Variants in OXTR observed in about 807,000 individuals in gnomAD.
OXTR encodes oxytocin receptor.
OXTR carries 19 observed loss-of-function variants against 23.9 expected under a neutral mutation model. The observed-to-expected ratio is 0.80, with a 90% confidence interval of 0.56 to 1.17. OXTR has a LOEUF of 1.17. OXTR is among the 50% of genes most tolerant of loss of function. The pLI is 0.00. For synonymous variants in OXTR, 278 were observed against 250.5 expected, an observed-to-expected ratio of 1.11 and a Z score of -1.04; for missense variants, 500 against 550.7, an observed-to-expected ratio of 0.91 and a Z score of 0.92.
At chr3:8,760,658 G>T (rs1708464515) in intron 3 of OXTR, among the ~76,000 whole-genome samples, 1 of 152,224 alleles carries the variant, frequency 6.6e-6, no homozygotes, top group Admixed American at 6.5e-5. Flanking sequence ...TGAGGTAAAA[G>T]GCATCCCCTG....
chr3:8,741,847 G>A, the OXTR span, among the ~76,000 whole-genome samples: 1 of 152,070 alleles, frequency 6.6e-6, no homozygotes. Context: ...CAGAGACTGC[G>A]GGGACTGCGC....
At position 8,752,076 on chromosome 3, in the gene OXTR, G is replaced by T. The variant is rs1708273143; in HGVS notation, c.*901C>A. ...TTCAGTCTTGCACTTGTTTTGTTAAGTTGATTCCTATTTTATTCTTTCTGA... is the reference window on the plus strand; with the variant it reads ...TTCAGTCTTGCACTTGTTTTGTTAATTTGATTCCTATTTTATTCTTTCTGA... On this transcript the variant is annotated 3_prime_UTR_variant, in exon 4 of 4. Transcript: ENST00000316793. 3 of 152,096 alleles carry T rather than the reference G, an allele frequency of 2.0e-5. No individual in the cohort carries two copies. The allele number at this position is 152,096 out of a possible 1,614,324, so 9.4% of individuals were successfully genotyped here. A position where few individuals can be genotyped will look rare whatever the true frequency, so the allele number is the denominator to read the frequency against.
At chr3:8,763,385 G>A (rs767522931) in intron 3 of OXTR, among the ~76,000 whole-genome samples, 2 of 152,148 alleles carry the variant, frequency 1.3e-5, no homozygotes, top group Non-Finnish European at 2.9e-5. Context: ...CACTGGACTG[G>A]GCGTTTTACC....
At chr3:8,761,057 T>C (rs13316193) in intron 3 of OXTR, among the ~76,000 whole-genome samples, 66,829 of 151,752 alleles carry the variant, frequency 0.44, 15,566 homozygotes, top group African/African-American at 0.58. Context: ...ACGGGAATGC[T>C]GTTAAATATC....
chr3:8,744,372 G>A, the OXTR span, among the ~76,000 whole-genome samples: 7 of 146,926 alleles, frequency 4.8e-5, no homozygotes, highest in South Asian at 2.2e-4. Flanking sequence ...CCCGCCTCCC[G>A]GGTTTATGCC....
At chr3:8,745,903 G>A (rs377314109), downstream of OXTR, 144 of 1,571,948 alleles carry the variant, frequency 9.2e-5, no homozygotes, top group African/African-American at 1.8e-3. This position sits in a 1 kb window ranked among gnomAD's most constrained non-coding sequence, Gnocchi z 4.8. Flanking sequence ...AGGGCAGGGG[G>A]TGGTGGGCCA....
At chr3:8,743,732 G>A in the OXTR span, among the ~76,000 whole-genome samples, 1 of 152,140 alleles carries the variant, frequency 6.6e-6, no homozygotes, top group African/African-American at 2.4e-5. Context: ...GAGCTCAGAA[G>A]CTAAAGTCAC....
rs760741282 is a variant in OXTR at position 8,767,414 on chromosome 3, C to A, written c.774G>T (p.Ala258=). 1.9e-6 allele frequency: 3 copies of A among 1,609,632 alleles called. No individual in the cohort carries two copies. The highest frequency in any genetic ancestry group is 1.1e-5 in the South Asian group (1 of 90,510). ...AAGDGGRVAL[A]RVSSVKLISK... ...AGATGAGCTTGACGCTGCTGACACG[C>A]GCCAGGGCCACGCGCCCCCCATCGC... Residue 258 remains alanine (A), a synonymous_variant, in exon 3 of 4, where the codon GCG becomes GCT. Coordinates refer to ENST00000316793, the MANE Select transcript of OXTR (RefSeq NM_000916.4).
the OXTR span, among the ~76,000 whole-genome samples, chr3:8,743,952 G>A: frequency 2.0e-5 from 3 of 151,982 alleles, no homozygotes; most frequent in African/African-American, 4.8e-5. Context: ...TAATATTGGT[G>A]ATGCAATAGA....
At position 8,752,642 on chromosome 3, in the gene OXTR, C is replaced by A; in HGVS notation, c.*335G>T. ...CAATTGGTCACCAATCCTATATTTA[C>A]CGCTTTTCACAATATCCCAGAATGA... On this transcript the variant is annotated 3_prime_UTR_variant, in exon 4 of 4. Coordinates refer to ENST00000316793, the MANE Select transcript of OXTR (RefSeq NM_000916.4). 3.8e-6 allele frequency: 1 copy of A among 261,312 alleles called. No homozygotes were observed. The highest frequency in any genetic ancestry group is 7.4e-6 in the Non-Finnish European group (1 of 135,448). The allele number at this position is 261,312 out of a possible 1,614,324, so 16.2% of individuals were successfully genotyped here.
At chr3:8,763,974 G>A (rs1377573816) in intron 3 of OXTR, among the ~76,000 whole-genome samples, 1 of 151,682 alleles carries the variant, frequency 6.6e-6, no homozygotes, top group Non-Finnish European at 1.5e-5. Flanking sequence ...TTATCTTGTT[G>A]AGGCACCTAA....
chr3:8,766,284 C>T (rs1708605179), intron 3 of OXTR, among the ~76,000 whole-genome samples: 1 of 152,172 alleles, frequency 6.6e-6, no homozygotes, highest in African/African-American at 2.4e-5. Flanking sequence ...GTGCTCTGTG[C>T]CTTGGGGACA....
rs936528327 is a variant in OXTR at position 8,751,755 on chromosome 3, A to G, written c.*1222T>C. 6 of 152,128 alleles carry G rather than the reference A, an allele frequency of 3.9e-5. No homozygotes were observed. The highest frequency in any genetic ancestry group is 1.4e-4 in the African/African-American group (6 of 41,424). 9.4% of individuals were successfully genotyped at this position (152,128 alleles called of 1,614,324 possible). A position where few individuals can be genotyped will look rare whatever the true frequency, so the allele number is the denominator to read the frequency against. ...ATGTCTATCCTTAAACCAGTAACAC[A>G]CTGAGCTGATTACCTTTATCGTAAA... On this transcript the variant is annotated 3_prime_UTR_variant, in exon 4 of 4. Coordinates refer to ENST00000316793, the MANE Select transcript of OXTR (RefSeq NM_000916.4).
the OXTR span, chr3:8,744,805 T>C: frequency 6.6e-6 from 1 of 152,412 alleles, no homozygotes; most frequent in Non-Finnish European, 1.5e-5. Context: ...GCTGCGACTA[T>C]AGCACTGCCA....
In OXTR at chr3:8,751,730, A is replaced by G. The variant is rs923759651; in HGVS notation, c.*1247T>C. 6.6e-6 allele frequency: 1 copy of G among 152,164 alleles called. No individual in the cohort carries two copies. The allele number at this position is 152,164 out of a possible 1,614,324, so 9.4% of individuals were successfully genotyped here. The stretch of plus-strand genomic sequence containing the variant: ...ATCTGTACTCTTTATTCTGCTCCGT[A>G]TGTCTATCCTTAAACCAGTAACACA... On this transcript the variant is annotated 3_prime_UTR_variant, in exon 4 of 4. Transcript: ENST00000316793.
chr3:8,766,866 G>A (rs1708618845), intron 3 of OXTR, among the ~76,000 whole-genome samples: 1 of 152,128 alleles, frequency 6.6e-6, no homozygotes, highest in Non-Finnish European at 1.5e-5. Flanking sequence ...CTTGGCCAGG[G>A]GTTCCAAACT....
chr3:8,741,951 C>T, the OXTR span, among the ~76,000 whole-genome samples: 1 of 152,296 alleles, frequency 6.6e-6, no homozygotes, highest in East Asian at 1.9e-4. Context: ...CCATCGTTCC[C>T]CCTTCCTCAC....
chr3:8,745,940 AG>A, downstream of OXTR: 1 of 1,253,462 alleles, frequency 8.0e-7, no homozygotes, highest in Non-Finnish European at 1.1e-6. The surrounding 1 kb of genome is among the most constrained non-coding windows in gnomAD (Gnocchi z 4.8). Flanking sequence ...ACTTCTTCAC[AG>A]GGGCTGCTGG....
chr3:8,751,190 T>A lies in OXTR; in HGVS notation c.*1787A>T, dbSNP rs1708250196. 6.6e-6 allele frequency: 1 copy of A among 152,248 alleles called. No individual in the cohort carries two copies. The highest frequency in any genetic ancestry group is 2.1e-4 in the South Asian group (1 of 4,834). 9.4% of individuals were successfully genotyped at this position (152,248 alleles called of 1,614,324 possible). A position where few individuals can be genotyped will look rare whatever the true frequency, so the allele number is the denominator to read the frequency against. On this transcript the variant is annotated 3_prime_UTR_variant, in exon 4 of 4. Transcript: ENST00000316793. Reference sequence around the variant, plus strand: ...CATTTGCATATCTTCTTTGGAGAAATGTCTATTCAAACCGTTAGCCCATTT... The same window carrying A: ...CATTTGCATATCTTCTTTGGAGAAAAGTCTATTCAAACCGTTAGCCCATTT...
Sources: gnomAD v4.1 joint callset for allele counts (sites outside exome capture counted in the v4.1 genomes callset) on GRCh38, gnomAD v4.1.1 for gene constraint, Gnocchi (gnomAD v3.1) non-coding constraint, MANE v1.5 for transcripts, NCBI Gene and HGNC (gene_info 2026-07-23, HGNC 2026-07-21) for gene names.